Variants in GRIK1 observed in about 807,000 individuals in gnomAD.
GRIK1 encodes glutamate ionotropic receptor kainate type subunit 1.
GRIK1 carries 69 observed loss-of-function variants against 105.7 expected under a neutral mutation model. The observed-to-expected ratio is 0.65, with a 90% CI of 0.54 to 0.80. GRIK1 has a LOEUF of 0.80. Ranked by LOEUF, GRIK1 falls within the 30% of genes least tolerant of loss-of-function variation. The pLI is 0.00. For missense variants in GRIK1, 1,109 were observed against 1,167.3 expected (o/e 0.95, Z 0.73); for synonymous variants, 438 against 431.3 (o/e 1.02, Z -0.19).
At chr21:29,843,053 C>T (rs531405731) in intron 1 of GRIK1, among the ~76,000 whole-genome samples, 5 of 152,212 alleles carry the variant, frequency 3.3e-5, no homozygotes, top group African/African-American at 1.2e-4. Flanking sequence ...TTCTGAACTC[C>T]CTAGCCTCAT....
At chr21:29,840,121 T>C (rs1017016824) in intron 1 of GRIK1, among the ~76,000 whole-genome samples, 1 of 152,130 alleles carries the variant, frequency 6.6e-6, no homozygotes, top group African/African-American at 2.4e-5. Flanking sequence ...ACTTGATGAG[T>C]CAATGTCCTT....
At chr21:29,676,537 G>A (rs2063270440) in intron 3 of GRIK1, among the ~76,000 whole-genome samples, 1 of 152,070 alleles carries the variant, frequency 6.6e-6, no homozygotes, top group Admixed American at 6.6e-5. Context: ...TCAGAAAAAG[G>A]ACATTGATTT....
intron 6 of GRIK1, among the ~76,000 whole-genome samples, chr21:29,649,952 G>T (rs1312581139): frequency 2.2e-4 from 33 of 152,100 alleles, no homozygotes; most frequent in Non-Finnish European, 5.9e-5. Context: ...ATCTATTAGC[G>T]TGCTTCTCCC....
intron 17 of GRIK1, 142 bp downstream of exon 17, chr21:29,537,656 C>A: frequency 1.4e-6 from 1 of 739,366 alleles, no homozygotes. Flanking sequence ...AAACTCAGGG[C>A]TCTCAAAATA....
intron 1 of GRIK1, among the ~76,000 whole-genome samples, chr21:29,885,949 A>G (rs774282161): frequency 1.3e-5 from 2 of 152,110 alleles, no homozygotes; most frequent in Non-Finnish European, 2.9e-5. Flanking sequence ...GCTAATTCAG[A>G]GGAAACATCA....
chr21:29,675,554 A>G (rs1259414551), intron 3 of GRIK1, among the ~76,000 whole-genome samples: 2 of 152,194 alleles, frequency 1.3e-5, no homozygotes, highest in Non-Finnish European at 2.9e-5. Flanking sequence ...TAAAGTTGAC[A>G]TATATTTTCT....
chr21:29,639,764 C>T (rs1417984098), intron 7 of GRIK1, among the ~76,000 whole-genome samples: 2 of 152,144 alleles, frequency 1.3e-5, no homozygotes, highest in South Asian at 2.1e-4. Context: ...CTTAAGATGC[C>T]AAGTTAATAT....
At chr21:29,754,724 A>C (rs1225610344) in intron 1 of GRIK1, among the ~76,000 whole-genome samples, 1 of 152,186 alleles carries the variant, frequency 6.6e-6, no homozygotes, top group Non-Finnish European at 1.5e-5. Flanking sequence ...CTTTCAGTAA[A>C]GCAGATTATT....
chr21:29,619,023 G>A (rs1223700864), intron 7 of GRIK1, among the ~76,000 whole-genome samples: 1 of 151,708 alleles, frequency 6.6e-6, no homozygotes, highest in East Asian at 1.9e-4. Flanking sequence ...CTACTCGGGA[G>A]GCTGAGGCAG....
In GRIK1 at chr21:29,709,205, A is replaced by G. The variant is rs537839054; in HGVS notation, c.119-15142T>C. ...TGATCCATCTGTATAGTAGCATCAC[A>G]TTGTGTTAATACTGGTTCTAAAACT... On this transcript the variant is annotated intron_variant, in intron 1 of 17. Transcript: ENST00000327783. Among the ~76,000 whole-genome samples, 9 of 151,534 alleles carry G rather than the reference A, an allele frequency of 5.9e-5. No individual in the cohort carries two copies. In the South Asian group the frequency reaches 1.9e-3, roughly 32 times the overall value.
At chr21:29,701,975 C>T (rs781730504) in intron 1 of GRIK1, among the ~76,000 whole-genome samples, 32 of 152,258 alleles carry the variant, frequency 2.1e-4, no homozygotes, top group Non-Finnish European at 2.8e-4. Flanking sequence ...TGACTTGGGA[C>T]ATGATTCTTT....
At chr21:29,641,514 G>A (rs1433393259) in intron 7 of GRIK1, among the ~76,000 whole-genome samples, 2 of 152,136 alleles carry the variant, frequency 1.3e-5, no homozygotes, top group African/African-American at 4.8e-5. Flanking sequence ...TCAGCAGCAT[G>A]AAAATGGACC....
intron 1 of GRIK1, among the ~76,000 whole-genome samples, chr21:29,765,488 G>A (rs904296921): frequency 6.6e-6 from 1 of 151,928 alleles, no homozygotes; most frequent in African/African-American, 2.4e-5. Flanking sequence ...TTAAGTTATT[G>A]CATTCCTTCT....
chr21:29,734,425 T>TCTTTTCTTTTCTTTTC (rs1569028742), intron 1 of GRIK1, among the ~76,000 whole-genome samples: 2 of 16,056 alleles, frequency 1.2e-4, no homozygotes, highest in Non-Finnish European at 7.5e-4. Flanking sequence ...TCTTTTCTTT[T>TCTTTTCTTTTCTTTTC]TGAGACAGAG....
chr21:29,835,396 A>G (rs1441231248), intron 1 of GRIK1, among the ~76,000 whole-genome samples: 1 of 152,200 alleles, frequency 6.6e-6, no homozygotes, highest in Non-Finnish European at 1.5e-5. Context: ...AAGTCCTAAC[A>G]TAACTGGTCT....
At chr21:29,823,149 G>A (rs1452201665) in intron 1 of GRIK1, among the ~76,000 whole-genome samples, 2 of 151,888 alleles carry the variant, frequency 1.3e-5, no homozygotes. Context: ...GCGAACATGA[G>A]AGACAATTAT....
chr21:29,746,598 G>A (rs1304171649), intron 1 of GRIK1, among the ~76,000 whole-genome samples: 3 of 152,190 alleles, frequency 2.0e-5, no homozygotes, highest in African/African-American at 7.2e-5. Context: ...ACTCAAGAGA[G>A]TTAAGATTTT....
rs145910129 is a variant in GRIK1 at position 29,853,528 on chromosome 21, T to G, written c.118+85855A>C. On this transcript the variant is annotated intron_variant, in intron 1 of 17. Coordinates refer to ENST00000327783, the MANE Select transcript of GRIK1 (RefSeq NM_001330994.2). ...TGCCTCCAGTGGAGAATCATTTCAG[T>G]AGTAAAAGTATTTACTAATTCTACT... is the stretch of plus-strand genomic sequence containing the variant. Among the ~76,000 whole-genome samples, 456 of 152,366 alleles carry G rather than the reference T, an allele frequency of 3.0e-3. 1 individual carries two copies. Among genetic ancestry groups the G allele is most frequent in the Non-Finnish European group, 4.6e-3 (310 of 68,036 alleles).
intron 1 of GRIK1, among the ~76,000 whole-genome samples, chr21:29,916,635 G>C (rs568531707): frequency 6.7e-6 from 1 of 149,124 alleles, no homozygotes; most frequent in East Asian, 1.9e-4. Flanking sequence ...CAGCAACTAT[G>C]TAGAGACAAA....
Sources: allele counts gnomAD v4.1 joint callset (sites outside exome capture counted in the v4.1 genomes callset), GRCh38; gene constraint gnomAD v4.1.1; transcripts MANE v1.5; gene names NCBI Gene and HGNC (gene_info 2026-07-23, HGNC 2026-07-21).